The following DCDC1 variants were observed in gnomAD, a reference collection of about 807,000 sequenced individuals.
DCDC1 encodes doublecortin domain-containing protein 1.
In DCDC1, 200 loss-of-function variants were observed where a neutral mutation model predicts 178.3. The observed-to-expected ratio is 1.12, with a 90% CI of 1.00 to 1.26. The LOEUF (loss-of-function observed/expected upper bound fraction) is 1.26. Ranked by LOEUF, DCDC1 falls within the 50% of genes most tolerant of loss-of-function variation. The pLI, the probability that DCDC1 is intolerant of heterozygous loss-of-function variation, is 0.00. For synonymous variants in DCDC1, 690 were observed against 604.8 expected (o/e 1.14, Z -2.07); for missense variants, 1,983 against 1,749.2 (o/e 1.13, Z -2.38).
chr11:30,926,972 C>G (rs1946627849), intron 22 of DCDC1, among the ~76,000 whole-genome samples: 1 of 152,124 alleles, frequency 6.6e-6, no homozygotes, highest in Non-Finnish European at 1.5e-5. Context: ...CAGTCAGCTA[C>G]AGCTCCACAG....
At chr11:31,355,547 TG>T (rs1188516177) in intron 1 of DCDC1, among the ~76,000 whole-genome samples, 1 of 152,136 alleles carries the variant, frequency 6.6e-6, no homozygotes, top group Non-Finnish European at 1.5e-5. Context: ...ACTGAATTAG[TG>T]TTTGATCTTA....
intron 9 of DCDC1, among the ~76,000 whole-genome samples, chr11:31,151,483 T>C (rs535397891): frequency 1.3e-5 from 2 of 152,322 alleles, no homozygotes; most frequent in East Asian, 3.9e-4. Context: ...TCTGCAATTA[T>C]TAATGAAACT....
chr11:31,051,052 G>T (rs1390858820), intron 20 of DCDC1, among the ~76,000 whole-genome samples: 1 of 152,076 alleles, frequency 6.6e-6, no homozygotes, highest in Non-Finnish European at 1.5e-5. Context: ...CCAGAGAAAG[G>T]CAAAGCCCAA....
At chr11:31,110,540 G>C (rs999614372) in intron 11 of DCDC1, among the ~76,000 whole-genome samples, 179 bp from the exon 12 acceptor site, 2 of 152,162 alleles carry the variant, frequency 1.3e-5, no homozygotes, top group African/African-American at 4.8e-5. Flanking sequence ...ATGTGAGTAA[G>C]TAATTGGCAA....
At chr11:31,140,651 T>C (rs555613410) in intron 9 of DCDC1, among the ~76,000 whole-genome samples, 10 of 152,198 alleles carry the variant, frequency 6.6e-5, no homozygotes, top group East Asian at 1.9e-4. Context: ...AGAAACATAA[T>C]GGCTCTGTCA....
chr11:30,952,857 A>C (rs565036815), intron 20 of DCDC1, among the ~76,000 whole-genome samples: 4 of 152,302 alleles, frequency 2.6e-5, no homozygotes, highest in African/African-American at 7.2e-5. Flanking sequence ...TTATAATAAC[A>C]ATGACATAAA....
At chr11:31,210,482 G>A (rs1478967889) in intron 9 of DCDC1, among the ~76,000 whole-genome samples, 1 of 152,040 alleles carries the variant, frequency 6.6e-6, no homozygotes, top group Non-Finnish European at 1.5e-5. Flanking sequence ...GGAGGCCGAG[G>A]CAGGTGGATC....
Position 30,952,433 on chromosome 11 carries a change from A to G in DCDC1, c.2715+12T>C, listed in dbSNP as rs1369740748. 6.5e-7 allele frequency: 1 copy of G among 1,546,818 alleles called. No individual in the cohort carries two copies. Among genetic ancestry groups the G allele is most frequent in the South Asian group, 1.2e-5 (1 of 83,162 alleles). On this transcript the variant is annotated intron_variant, in intron 21 of 38. Coordinates refer to ENST00000684477, the MANE Select transcript of DCDC1 (RefSeq NM_001387274.1). ...AGTCTCAATGACCATCTCTTAAGCT[A>G]AGCAACACAACCTCATTAAGTTGGC... is the stretch of plus-strand genomic sequence containing the variant.
chr11:31,166,616 ATG>A (rs1205376797), intron 9 of DCDC1, among the ~76,000 whole-genome samples: 2 of 152,156 alleles, frequency 1.3e-5, no homozygotes, highest in Non-Finnish European at 2.9e-5. Context: ...CGTATGATAT[ATG>A]TGGGTCATCA....
chr11:30,899,121 AC>A (rs1460927375), intron 34 of DCDC1, among the ~76,000 whole-genome samples: 2 of 152,050 alleles, frequency 1.3e-5, no homozygotes, highest in South Asian at 2.1e-4. Flanking sequence ...ACTTAAAAAA[AC>A]AAAACAAAAC....
intron 9 of DCDC1, among the ~76,000 whole-genome samples, chr11:31,212,518 T>C (rs554220314): frequency 5.5e-4 from 84 of 152,250 alleles, no homozygotes; most frequent in Middle Eastern, 6.8e-3. Flanking sequence ...TGGGCAAAGA[T>C]ATGAATGGGT....
chr11:31,336,616 T>C (rs1043535937), intron 1 of DCDC1, among the ~76,000 whole-genome samples: 2 of 152,242 alleles, frequency 1.3e-5, no homozygotes, highest in Non-Finnish European at 2.9e-5. Flanking sequence ...GTCCATATGT[T>C]AGTATTTTCT....
chr11:30,884,033 A>ATTTTTGTTTTTTTTTTT (rs1942941421), intron 36 of DCDC1, among the ~76,000 whole-genome samples: 1 of 95,784 alleles, frequency 1.0e-5, no homozygotes, highest in African/African-American at 4.4e-5. Flanking sequence ...ATTCTTTCTC[A>ATTTTTGTTTTTTTTTTT]TTTTTTTTTT....
intron 13 of DCDC1, 124 bp from the exon 14 acceptor site, chr11:31,103,893 C>A: frequency 1.6e-6 from 1 of 631,184 alleles, no homozygotes. Flanking sequence ...AGTGAGTTTC[C>A]TATTGTATAG....
chr11:31,166,949 C>A (rs1442289707), intron 9 of DCDC1, among the ~76,000 whole-genome samples: 2 of 152,136 alleles, frequency 1.3e-5, no homozygotes, highest in African/African-American at 2.4e-5. Flanking sequence ...GACTTCAACT[C>A]TGATATCCTT....
intron 1 of DCDC1, among the ~76,000 whole-genome samples, chr11:31,339,251 G>A (rs1347306523): frequency 6.6e-6 from 1 of 152,176 alleles, no homozygotes; most frequent in African/African-American, 2.4e-5. Context: ...AATCCCCAAT[G>A]TGATGTTATT....
chr11:31,095,643 T>C (rs1958103130), intron 15 of DCDC1, among the ~76,000 whole-genome samples: 1 of 152,044 alleles, frequency 6.6e-6, no homozygotes, highest in Non-Finnish European at 1.5e-5. Context: ...TGGGGATGGA[T>C]AGGGGGTACT....
chr11:31,071,715 GGATGCCACTTCCGA>G (rs1350728358), intron 18 of DCDC1, among the ~76,000 whole-genome samples: 1 of 152,152 alleles, frequency 6.6e-6, no homozygotes, highest in Admixed American at 6.6e-5. Flanking sequence ...CAGAAGTGGT[GGATGCCACTTCCGA>G]GATGAGGTTA....
intron 2 of DCDC1, among the ~76,000 whole-genome samples, chr11:31,334,655 G>A (rs931006319): frequency 6.6e-6 from 1 of 152,186 alleles, no homozygotes; most frequent in Non-Finnish European, 1.5e-5. Context: ...CTGCAGGTCT[G>A]TTGGAGTTTG....
Sources: allele counts gnomAD v4.1 joint callset (sites outside exome capture counted in the v4.1 genomes callset), GRCh38; gene constraint gnomAD v4.1.1; transcripts MANE v1.5; gene names NCBI Gene and HGNC (gene_info 2026-07-23, HGNC 2026-07-21).